TMEM150C: variants seen among roughly 807,000 people sequenced by gnomAD.
TMEM150C encodes tentonin 3.
TMEM150C carries 10 observed loss-of-function variants against 29.9 expected under a neutral mutation model. That is an observed-to-expected ratio of 0.33 (90% CI 0.21 to 0.57). The LOEUF is 0.57. Among genes scored for constraint, TMEM150C ranks in the 20% least tolerant of loss-of-function variants. The pLI is 0.88. For missense variants in TMEM150C, 251 were observed against 303.6 expected (o/e 0.83, Z 1.29); for synonymous variants, 101 against 112.5 (o/e 0.90, Z 0.64).
intron 1 of TMEM150C, among the ~76,000 whole-genome samples, chr4:82,553,644 A>C (rs576952312): frequency 5.3e-5 from 8 of 152,348 alleles, no homozygotes; most frequent in African/African-American, 7.2e-5. Flanking sequence ...GAAGAGTGAA[A>C]AAAAGTCACT....
At chr4:82,517,658 TTCGGACTGAGAGTTACACCA>T (rs1324522018) in intron 1 of TMEM150C, among the ~76,000 whole-genome samples, 1 of 152,172 alleles carries the variant, frequency 6.6e-6, no homozygotes, top group African/African-American at 2.4e-5. Context: ...AGCCTTCAGC[TTCGGACTGAGAGTTACACCA>T]TCGGCTCCCC....
At chr4:82,491,626 C>T (rs1723350237) in intron 6 of TMEM150C, 1 of 578,924 alleles carries the variant, frequency 1.7e-6, no homozygotes, top group Non-Finnish European at 3.0e-6. Flanking sequence ...GCCTTCTTTC[C>T]TTTCAGCACC....
intron 1 of TMEM150C, among the ~76,000 whole-genome samples, chr4:82,535,396 A>G (rs1724972351): frequency 6.6e-6 from 1 of 152,224 alleles, no homozygotes; most frequent in Non-Finnish European, 1.5e-5. Flanking sequence ...TGAAGCTGTC[A>G]AGACCTGATC....
In TMEM150C at chr4:82,485,516, C is replaced by A. The variant is rs769668011; in HGVS notation, c.745G>T (p.Val249Leu). 2 of 1,595,940 alleles carry A rather than the reference C, an allele frequency of 1.3e-6. No homozygotes were observed. The highest frequency in any genetic ancestry group is 1.7e-6 in the Non-Finnish European group (2 of 1,170,862). The part of the protein sequence containing the change: ...SEASEYQTDQ[V>L] ...AGCAAGGAAAAACTGATGGTTTACA[C>A]CTGGTCAGTCTGATATTCAGAAGCT... is the stretch of plus-strand genomic sequence containing the variant. The change falls in exon 8 of 8, where the codon GTG (valine) becomes TTG (leucine). Residue 249 changes from valine (V) to leucine (L), a missense_variant. By Grantham distance (32) the Val-to-Leu change is conservative (BLOSUM62 1). Coordinates refer to ENST00000449862, the MANE Select transcript of TMEM150C (RefSeq NM_001080506.3).
intron 1 of TMEM150C, among the ~76,000 whole-genome samples, chr4:82,513,649 G>C (rs1264662645): frequency 6.6e-6 from 1 of 152,160 alleles, no homozygotes. Context: ...TTTGCAAAGA[G>C]AGATACAAAA....
In TMEM150C at chr4:82,485,467, C is replaced by T; in HGVS notation, c.*44G>A. 6.7e-7 allele frequency: 1 copy of T among 1,488,858 alleles called. No homozygotes were observed. Among genetic ancestry groups the T allele is most frequent in the Non-Finnish European group, 9.2e-7 (1 of 1,088,832 alleles). 92.2% of individuals were successfully genotyped at this position (1,488,858 alleles called of 1,614,324 possible). On this transcript the variant is annotated 3_prime_UTR_variant, in exon 8 of 8. Coordinates refer to ENST00000449862, the MANE Select transcript of TMEM150C (RefSeq NM_001080506.3). The stretch of plus-strand genomic sequence containing the variant: ...TGTGAGTGTGTCCTACTGGCCCCTC[C>T]CCCACTGTCACACCCACCTCACCAG...
intron 1 of TMEM150C, among the ~76,000 whole-genome samples, chr4:82,528,326 C>T (rs1724721258): frequency 6.6e-6 from 1 of 152,170 alleles, no homozygotes; most frequent in Admixed American, 6.5e-5. Flanking sequence ...CTGGGCCCCA[C>T]CTCTGAAGTT....
At chr4:82,509,474 G>C (rs953406692) in intron 1 of TMEM150C, among the ~76,000 whole-genome samples, 1 of 152,066 alleles carries the variant, frequency 6.6e-6, no homozygotes, top group Non-Finnish European at 1.5e-5. Context: ...AACTCCTTTA[G>C]TTGGTTTGAA....
chr4:82,485,591 A>C lies in TMEM150C; in HGVS notation c.670T>G (p.Cys224Gly). The change falls in exon 8 of 8, where the codon TGC (cysteine) becomes GGC (glycine). Residue 224 changes from cysteine to glycine, a missense_variant. Physicochemically the swap from Cys to Gly is radical, Grantham distance 159 (BLOSUM62 -3). Coordinates refer to ENST00000449862, the MANE Select transcript of TMEM150C (RefSeq NM_001080506.3). Reference protein sequence around the residue: ...EFRHYRYEIVCSEYQENFLSF... With the variant: ...EFRHYRYEIVGSEYQENFLSF... ...AGGAAATTCTCCTGGTACTCAGAGC[A>C]AACAATCTCATAGCGGTAATGCCGG... is the stretch of plus-strand genomic sequence containing the variant. 1 of 1,611,390 alleles carries C rather than the reference A, an allele frequency of 6.2e-7. No individual in the cohort carries two copies. The highest frequency in any genetic ancestry group is 8.5e-7 in the Non-Finnish European group (1 of 1,178,828).
At chr4:82,544,549 C>G (rs568908561) in intron 1 of TMEM150C, among the ~76,000 whole-genome samples, 1 of 152,278 alleles carries the variant, frequency 6.6e-6, no homozygotes, top group East Asian at 1.9e-4. Flanking sequence ...GAGGCCCAGG[C>G]AGGTGGATTC....
At chr4:82,500,287 G>T (rs10003787) in intron 5 of TMEM150C, among the ~76,000 whole-genome samples, 23,740 of 152,190 alleles carry the variant, frequency 0.16, 2,292 homozygotes, top group Non-Finnish European at 0.21. Context: ...GGCGGTGTGG[G>T]TTATTTCTTA....
intron 1 of TMEM150C, among the ~76,000 whole-genome samples, chr4:82,506,417 AAATTACAG>A (rs1723922599): frequency 6.6e-6 from 1 of 152,250 alleles, no homozygotes; most frequent in Non-Finnish European, 1.5e-5. Flanking sequence ...GGTGTTAAAT[AAATTACAG>A]AATCTAGTTT....
At chr4:82,510,731 G>T (rs768864193) in intron 1 of TMEM150C, among the ~76,000 whole-genome samples, 6 of 152,146 alleles carry the variant, frequency 3.9e-5, no homozygotes, top group African/African-American at 9.7e-5. Flanking sequence ...CAGGAAATGA[G>T]CTTCCTGCTA....
At chr4:82,519,392 G>T (rs192941070) in intron 1 of TMEM150C, among the ~76,000 whole-genome samples, 334 of 151,304 alleles carry the variant, frequency 2.2e-3, no homozygotes, top group Middle Eastern at 0.01. Context: ...CTATATATAC[G>T]ATGTTCTTTC....
At chr4:82,497,479 A>G (rs932615835) in intron 5 of TMEM150C, among the ~76,000 whole-genome samples, 6 of 152,240 alleles carry the variant, frequency 3.9e-5, no homozygotes, top group East Asian at 1.9e-4. Context: ...GTTAAATTTC[A>G]TAGTGTAACC....
chr4:82,490,306 T>C, intron 6 of TMEM150C, 68 bp from the exon 7 acceptor site: 2 of 1,371,142 alleles, frequency 1.5e-6, no homozygotes, highest in African/African-American at 1.4e-5. Context: ...GTTGAAGGAA[T>C]GAATATATGA....
intron 7 of TMEM150C, among the ~76,000 whole-genome samples, chr4:82,489,503 ACT>A (rs1723264081): frequency 6.6e-6 from 1 of 152,032 alleles, no homozygotes; most frequent in Non-Finnish European, 1.5e-5. Flanking sequence ...ATTGGTTCAA[ACT>A]CTGAGCGGAG....
At chr4:82,510,545 C>T (rs750774291) in intron 1 of TMEM150C, among the ~76,000 whole-genome samples, 2 of 152,074 alleles carry the variant, frequency 1.3e-5, no homozygotes, top group Non-Finnish European at 1.5e-5. Context: ...TCTTCATCAG[C>T]AAAGTGGAAA....
At chr4:82,556,514 T>C (rs1398538529) in intron 1 of TMEM150C, among the ~76,000 whole-genome samples, 2 of 152,180 alleles carry the variant, frequency 1.3e-5, no homozygotes, top group African/African-American at 4.8e-5. Context: ...TAAGAAAAAT[T>C]GTTTTGAAAA....
Sources: allele counts gnomAD v4.1 joint callset (sites outside exome capture counted in the v4.1 genomes callset), GRCh38; gene constraint gnomAD v4.1.1; transcripts MANE v1.5; gene names NCBI Gene and HGNC (gene_info 2026-07-23, HGNC 2026-07-21).